Variants in BCAP29 observed in about 807,000 individuals in gnomAD.
The protein encoded by BCAP29 is B-cell receptor-associated protein 29.
BCAP29 carries 34 observed loss-of-function variants against 31.8 expected under a neutral mutation model. The ratio of observed to expected loss-of-function variants is 1.07; its 90% CI spans 0.81 to 1.42. The LOEUF (loss-of-function observed/expected upper bound fraction) is 1.42. Ranked by LOEUF, BCAP29 falls within the 40% of genes most tolerant of loss-of-function variation. The pLI is 0.00. For missense variants in BCAP29, 314 were observed against 269.2 expected, an observed-to-expected ratio of 1.17 and a Z score of -1.16; for synonymous variants, 104 against 91.3, an observed-to-expected ratio of 1.14 and a Z score of -0.79.
At chr7:107,605,998 GAAAAAGATAGCTTTTTATTGT>G (rs1271939094) in intron 6 of BCAP29, among the ~76,000 whole-genome samples, 1 of 152,050 alleles carries the variant, frequency 6.6e-6, no homozygotes, top group Non-Finnish European at 1.5e-5. Context: ...TTTGCTTAAT[GAAAAAGATAGCTTTTTATTGT>G]AAAAAGAATT....
intron 6 of BCAP29, among the ~76,000 whole-genome samples, chr7:107,602,021 T>C (rs946763309): frequency 6.6e-6 from 1 of 152,238 alleles, no homozygotes; most frequent in African/African-American, 2.4e-5. Context: ...TAGTATTACA[T>C]GAGCATTTCT....
intron 6 of BCAP29, among the ~76,000 whole-genome samples, chr7:107,610,208 A>G (rs894374679): frequency 1.3e-5 from 2 of 152,224 alleles, no homozygotes; most frequent in Non-Finnish European, 2.9e-5. Context: ...CTAATGGACC[A>G]TAACCTAGGA....
intron 3 of BCAP29, among the ~76,000 whole-genome samples, chr7:107,591,374 G>T (rs1332444837): frequency 6.6e-6 from 1 of 152,132 alleles, no homozygotes; most frequent in Non-Finnish European, 1.5e-5. Flanking sequence ...AATAAAAACA[G>T]GTTAGTGGGC....
chr7:107,592,646 C>T (rs1205548491), intron 3 of BCAP29, among the ~76,000 whole-genome samples: 2 of 152,166 alleles, frequency 1.3e-5, no homozygotes. Flanking sequence ...TTCGTAGCAG[C>T]GTTATTCATA....
chr7:107,582,672 A>G lies in BCAP29; in HGVS notation c.93-1210A>G, dbSNP rs1357821803. On this transcript the variant is annotated intron_variant, in intron 2 of 7. Transcript: ENST00000005259. ...TAAATGAGATAAAACATGTAAAAGT[A>G]CTTAGAACCATAATATAGTGAGAAC... Among the ~76,000 whole-genome samples the G allele has an allele frequency of 2.0e-5, 3 of 152,168 alleles. No individual in the cohort carries two copies. The East Asian group carries it at 5.8e-4, about 29-fold the overall frequency.
At chr7:107,599,162 AAT>A (rs1563133812) in intron 5 of BCAP29, among the ~76,000 whole-genome samples, 1 of 96,590 alleles carries the variant, frequency 1.0e-5, no homozygotes, top group African/African-American at 4.4e-5. Flanking sequence ...TATATTTATA[AAT>A]ATATAAATAT....
At chr7:107,609,839 A>G (rs774095214) in intron 6 of BCAP29, among the ~76,000 whole-genome samples, 12 of 152,258 alleles carry the variant, frequency 7.9e-5, no homozygotes, top group Non-Finnish European at 1.2e-4. Flanking sequence ...TAAATTGGAA[A>G]GAAACCAACA....
intron 6 of BCAP29, among the ~76,000 whole-genome samples, chr7:107,605,233 A>G (rs1811870570): frequency 6.6e-6 from 1 of 152,226 alleles, no homozygotes; most frequent in African/African-American, 2.4e-5. Context: ...ACAGAAATTC[A>G]AAGATACCTT....
At chr7:107,600,560 T>A (rs1810985755) in intron 6 of BCAP29, 55 bp downstream of exon 6, 1 of 1,016,544 alleles carries the variant, frequency 9.8e-7, no homozygotes, top group Non-Finnish European at 1.5e-6. Flanking sequence ...TTTTATGCTG[T>A]ACACTTCACT....
chr7:107,599,530 AAAAAG>A (rs1810763993), intron 5 of BCAP29, among the ~76,000 whole-genome samples: 1 of 146,102 alleles, frequency 6.8e-6, no homozygotes, highest in South Asian at 2.1e-4. Context: ...TTAAAAAAAA[AAAAAG>A]AAAAAAAAGT....
chr7:107,618,325 C>T lies in BCAP29; in HGVS notation c.691-3C>T, dbSNP rs1472820795. Reference sequence around the variant, plus strand: ...TACATAAATCATATTTTTTTCCTTACAGGATCGTTTAGAAAGAGGCAACAA... The same window carrying T: ...TACATAAATCATATTTTTTTCCTTATAGGATCGTTTAGAAAGAGGCAACAA... On this transcript the variant is annotated splice_polypyrimidine_tract_variant and splice_region_variant and intron_variant, in intron 7 of 7. Coordinates refer to ENST00000005259, the MANE Select transcript of BCAP29 (RefSeq NM_018844.4). 7 of 1,567,344 alleles carry T rather than the reference C, an allele frequency of 4.5e-6. No homozygotes were observed. The African/African-American group carries it at 5.5e-5, about 12-fold the overall frequency.
In BCAP29 at chr7:107,618,884, G is replaced by GT. The variant is rs936044101; in HGVS notation, c.*529dup. On this transcript the variant is annotated 3_prime_UTR_variant, in exon 8 of 8. Coordinates refer to ENST00000005259, the MANE Select transcript of BCAP29 (RefSeq NM_018844.4). ...AGAGTCGGAAAAAACAATGACCTTA[G>GT]TTTTTTTTAAGCCTGATGATACTAT... 74 of 207,810 alleles carry GT rather than the reference G, an allele frequency of 3.6e-4. No individual in the cohort carries two copies. Among genetic ancestry groups the GT allele is most frequent in the Admixed American group, 8.6e-4 (16 of 18,568 alleles). 12.9% of individuals were successfully genotyped at this position (207,810 alleles called of 1,614,324 possible).
At chr7:107,589,593 A>G (rs1263006066) in intron 3 of BCAP29, among the ~76,000 whole-genome samples, 7 of 152,226 alleles carry the variant, frequency 4.6e-5, no homozygotes, top group South Asian at 2.1e-4. Flanking sequence ...TGGCCTGCCA[A>G]TCACCTCCTG....
At chr7:107,590,909 G>A (rs1808614841) in intron 3 of BCAP29, among the ~76,000 whole-genome samples, 1 of 151,976 alleles carries the variant, frequency 6.6e-6, no homozygotes, top group Admixed American at 6.6e-5. Flanking sequence ...TTAATATAGT[G>A]GGGTCACAAA....
At chr7:107,596,143 T>C (rs745757066) in intron 5 of BCAP29, 141 bp downstream of exon 5, 2 of 709,468 alleles carry the variant, frequency 2.8e-6, no homozygotes, top group East Asian at 6.5e-5. Context: ...GTAATGATTA[T>C]TTCAAGAATA....
chr7:107,596,720 T>C (rs1462304675), intron 5 of BCAP29, among the ~76,000 whole-genome samples: 1 of 152,238 alleles, frequency 6.6e-6, no homozygotes, highest in Non-Finnish European at 1.5e-5. Flanking sequence ...TTTTCTCTTA[T>C]TCTTTAGCTC....
In BCAP29 at chr7:107,594,244, A is replaced by G. The variant is rs964276675; in HGVS notation, c.344+139A>G. 68 of 722,266 alleles carry G rather than the reference A, an allele frequency of 9.4e-5. No homozygotes were observed. The Middle Eastern group carries it at 1.6e-3, about 17-fold the overall frequency. 44.7% of individuals were successfully genotyped at this position (722,266 alleles called of 1,614,324 possible). On this transcript the variant is annotated intron_variant, in intron 4 of 7. Coordinates refer to ENST00000005259, the MANE Select transcript of BCAP29 (RefSeq NM_018844.4). The stretch of plus-strand genomic sequence containing the variant: ...CGCTCTGTTGCCCAGGCTGCAGTGC[A>G]GTGGTGCCTTCATAGCTCACTGTAA...
chr7:107,610,795 T>C (rs1007680964), intron 6 of BCAP29, among the ~76,000 whole-genome samples: 1 of 152,210 alleles, frequency 6.6e-6, no homozygotes, highest in African/African-American at 2.4e-5. Flanking sequence ...AAGGAACTAC[T>C]GGGTTGATAT....
intron 5 of BCAP29, 74 bp downstream of exon 5, chr7:107,596,076 A>G (rs1026952692): frequency 1.5e-5 from 19 of 1,297,392 alleles, no homozygotes; most frequent in Non-Finnish European, 2.0e-5. Context: ...TTCAGCATCA[A>G]AAAGAGCATT....
Sources: allele counts gnomAD v4.1 joint callset (sites outside exome capture counted in the v4.1 genomes callset), GRCh38; gene constraint gnomAD v4.1.1; transcripts MANE v1.5; gene names NCBI Gene and HGNC (gene_info 2026-07-23, HGNC 2026-07-21).